The following C10orf90 variants were observed in gnomAD, a reference collection of about 807,000 sequenced individuals.
The protein encoded by C10orf90 is (E2-independent) E3 ubiquitin-conjugating enzyme FATS.
C10orf90 carries 56 observed loss-of-function variants against 62.5 expected under a neutral mutation model. That is an observed-to-expected ratio of 0.90 (90% CI 0.72 to 1.12). C10orf90 has a LOEUF of 1.12. Ranked by LOEUF, C10orf90 falls within the 50% of genes most tolerant of loss-of-function variation. The pLI, the probability that C10orf90 is intolerant of heterozygous loss-of-function variation, is 0.00. For missense variants in C10orf90, 970 were observed against 880.4 expected, an observed-to-expected ratio of 1.10 and a Z score of -1.29; for synonymous variants, 386 against 340.4, an observed-to-expected ratio of 1.13 and a Z score of -1.47.
chr10:126,532,862 G>GAAAAAAA lies in C10orf90; in HGVS notation c.314-18924_314-18923insTTTTTTT, dbSNP rs1564860259. On this transcript the variant is annotated intron_variant, in intron 2 of 9. Coordinates refer to ENST00000488181, the MANE Select transcript of C10orf90 (RefSeq NM_001350921.2). Reference sequence around the variant, plus strand: ...CGTCTCAAAAAAAAAAAAAAATAGTGAGCACAAAACAAGTGTTTTCAAAAA... The same window carrying GAAAAAAA: ...CGTCTCAAAAAAAAAAAAAAATAGTGAAAAAAAAGCACAAAACAAGTGTTTTCAAAAA... 1.4e-4 allele frequency among the ~76,000 whole-genome samples: 3 copies of GAAAAAAA among 22,134 alleles called. 1 individual carries two copies. Among genetic ancestry groups the GAAAAAAA allele is most frequent in the Non-Finnish European group, 3.8e-4 (3 of 7,996 alleles). The allele number at this position is 22,134 out of a possible 152,430, so 14.5% of individuals were successfully genotyped here. A position where few individuals can be genotyped will look rare whatever the true frequency, so the allele number is the denominator to read the frequency against.
At chr10:126,650,085 G>T (rs905279990) in intron 1 of C10orf90, among the ~76,000 whole-genome samples, 3 of 152,150 alleles carry the variant, frequency 2.0e-5, no homozygotes, top group Non-Finnish European at 4.4e-5. Context: ...GGCCTGCAGT[G>T]CCTGGGATTT....
chr10:126,669,719 A>G (rs1327463994), intron 1 of C10orf90, among the ~76,000 whole-genome samples: 39 of 138,326 alleles, frequency 2.8e-4, no homozygotes, highest in Admixed American at 2.8e-3. Flanking sequence ...TTTTTTTTTT[A>G]CAAAGTTGTC....
intron 4 of C10orf90, among the ~76,000 whole-genome samples, chr10:126,476,908 CTTT>C (rs10590718): frequency 0.13 from 16,099 of 120,612 alleles, 949 homozygotes; most frequent in Middle Eastern, 0.23. Context: ...CACCATTTTC[CTTT>C]TTTTTTTTTT....
intron 4 of C10orf90, among the ~76,000 whole-genome samples, chr10:126,497,863 C>T (rs531419529): frequency 8.5e-5 from 13 of 152,318 alleles, no homozygotes; most frequent in East Asian, 3.9e-4. Flanking sequence ...AGGCTGGACT[C>T]GGCCTCCTGG....
At chr10:126,617,612 T>G (rs1845567204) in intron 2 of C10orf90, among the ~76,000 whole-genome samples, 2 of 152,250 alleles carry the variant, frequency 1.3e-5, no homozygotes, top group Admixed American at 1.3e-4. Flanking sequence ...ATTCATTCTC[T>G]GCAAGAGCAG....
chr10:126,659,745 ATCTG>A (rs1424480574), intron 1 of C10orf90, among the ~76,000 whole-genome samples: 2 of 152,364 alleles, frequency 1.3e-5, no homozygotes, highest in East Asian at 3.9e-4. Flanking sequence ...CTGTTTGTCC[ATCTG>A]TCTGTCTGTG....
chr10:126,440,922 G>C (rs1858275627), intron 7 of C10orf90, among the ~76,000 whole-genome samples: 1 of 152,136 alleles, frequency 6.6e-6, no homozygotes, highest in African/African-American at 2.4e-5. Context: ...CCCTCTGACA[G>C]AGCCTACCCA....
At chr10:126,646,745 C>T (rs962548818) in intron 1 of C10orf90, 108 bp from the exon 2 acceptor site, 4 of 276,784 alleles carry the variant, frequency 1.4e-5, no homozygotes, top group African/African-American at 9.1e-5. Context: ...TGGAATTTCT[C>T]AATTCTCCTG....
rs375158381 is a variant in C10orf90 at position 126,555,065 on chromosome 10, C to A, written c.314-41126G>T. Among the ~76,000 whole-genome samples the A allele has an allele frequency of 2.6e-4, 39 of 152,280 alleles. No homozygotes were observed. The East Asian group carries it at 4.1e-3, about 16-fold the overall frequency. On this transcript the variant is annotated intron_variant, in intron 2 of 9. Transcript: ENST00000488181. ...ATTGCGGTCCACACAAAAGGAGTAA[C>A]TTCTCAGAGATGTGGCGTCTGCACA...
chr10:126,607,151 A>T (rs1039539665), intron 2 of C10orf90, among the ~76,000 whole-genome samples: 2 of 152,202 alleles, frequency 1.3e-5, no homozygotes, highest in Non-Finnish European at 2.9e-5. Context: ...CTCTGCTATC[A>T]GTCATCACAC....
At chr10:126,600,332 T>C (rs939435053) in intron 2 of C10orf90, among the ~76,000 whole-genome samples, 4 of 152,162 alleles carry the variant, frequency 2.6e-5, no homozygotes, top group Non-Finnish European at 5.9e-5. Context: ...ACAGAAAATC[T>C]CCAGGGCAAT....
At chr10:126,480,172 G>A (rs1318267348) in intron 4 of C10orf90, among the ~76,000 whole-genome samples, 2 of 152,092 alleles carry the variant, frequency 1.3e-5, no homozygotes, top group African/African-American at 2.4e-5. Flanking sequence ...AGATAAAAAG[G>A]TGCCTCTTGG....
intron 4 of C10orf90, among the ~76,000 whole-genome samples, chr10:126,468,748 A>G (rs1188709591): frequency 2.6e-5 from 4 of 152,156 alleles, no homozygotes; most frequent in African/African-American, 9.7e-5. Context: ...CGGAATTTCA[A>G]GGACCTCAAT....
At chr10:126,431,052 C>A (rs537425842) in intron 7 of C10orf90, among the ~76,000 whole-genome samples, 1 of 152,068 alleles carries the variant, frequency 6.6e-6, no homozygotes, top group South Asian at 2.1e-4. Context: ...ATGGCACCAT[C>A]GCTTAACTTC....
intron 4 of C10orf90, among the ~76,000 whole-genome samples, chr10:126,473,452 A>G (rs1399339638): frequency 6.6e-6 from 1 of 152,196 alleles, no homozygotes; most frequent in Non-Finnish European, 1.5e-5. Context: ...AAGTAGAAAA[A>G]GTCCTTTGTG....
intron 7 of C10orf90, among the ~76,000 whole-genome samples, chr10:126,439,074 C>T (rs540211892): frequency 2.4e-4 from 36 of 152,132 alleles, no homozygotes; most frequent in Middle Eastern, 6.3e-3. Flanking sequence ...AGAGAAACCC[C>T]CTTGGCCATA....
At chr10:126,645,853 T>A (rs1846160460) in intron 2 of C10orf90, among the ~76,000 whole-genome samples, 1 of 152,184 alleles carries the variant, frequency 6.6e-6, no homozygotes, top group South Asian at 2.1e-4. Context: ...TCTCATGCAC[T>A]TTTCATCTAT....
chr10:126,444,273 CTAAAGATCCCTCCA>C (rs1858593954), intron 7 of C10orf90, among the ~76,000 whole-genome samples: 2 of 151,994 alleles, frequency 1.3e-5, no homozygotes, highest in Admixed American at 1.3e-4. Context: ...CTCAAAAACC[CTAAAGATCCCTCCA>C]TAAAGCTCCT....
chr10:126,463,664 G>A (rs1454682003), intron 5 of C10orf90, among the ~76,000 whole-genome samples: 1 of 152,168 alleles, frequency 6.6e-6, no homozygotes, highest in Non-Finnish European at 1.5e-5. Flanking sequence ...TTGCCCTCAG[G>A]TCTGATTTGA....
Sources: allele counts gnomAD v4.1 joint callset (sites outside exome capture counted in the v4.1 genomes callset), GRCh38; gene constraint gnomAD v4.1.1; transcripts MANE v1.5; gene names NCBI Gene and HGNC (gene_info 2026-07-23, HGNC 2026-07-21).